Variants in KCNK6 observed in about 807,000 individuals in gnomAD.
The protein encoded by KCNK6 is potassium channel subfamily K member 6.
KCNK6 carries 20 observed loss-of-function variants against 21.9 expected under a neutral mutation model. The ratio of observed to expected loss-of-function variants is 0.91; its 90% CI spans 0.64 to 1.32. The LOEUF (loss-of-function observed/expected upper bound fraction) is 1.32, where lower values mean the gene tolerates loss of function less well. KCNK6 is among the 40% of genes most tolerant of loss of function. The pLI is 0.00. For missense variants in KCNK6, 415 were observed against 433.1 expected, an observed-to-expected ratio of 0.96 and a Z score of 0.37; for synonymous variants, 210 against 218.0, an observed-to-expected ratio of 0.96 and a Z score of 0.32.
intron 1 of KCNK6, among the ~76,000 whole-genome samples, chr19:38,320,884 G>T (rs1969644489): frequency 6.6e-6 from 1 of 152,046 alleles, no homozygotes; most frequent in Non-Finnish European, 1.5e-5. Flanking sequence ...TAATCCTCTT[G>T]GTGACCCGGG....
Position 38,319,851 on chromosome 19 carries a change from C to T in KCNK6, c.-100C>T, listed in dbSNP as rs770503017. ...TCCTCTTGGGGCATCTGCTGCCGCGCCTGTAGCACTCCCGGAACTGGAACT... is the reference window on the plus strand; with the variant it reads ...TCCTCTTGGGGCATCTGCTGCCGCGTCTGTAGCACTCCCGGAACTGGAACT... On this transcript the variant is annotated 5_prime_UTR_variant, in exon 1 of 3. Transcript: ENST00000263372. 5.9e-6 allele frequency: 7 copies of T among 1,177,246 alleles called. No individual in the cohort carries two copies. Among genetic ancestry groups the T allele is most frequent in the Non-Finnish European group, 6.6e-6 (6 of 905,632 alleles). 72.9% of individuals were successfully genotyped at this position (1,177,246 alleles called of 1,614,324 possible). A position where few individuals can be genotyped will look rare whatever the true frequency, so the allele number is the denominator to read the frequency against.
chr19:38,326,964 G>C lies in KCNK6; in HGVS notation c.694G>C (p.Ala232Pro), dbSNP rs778792589. The C allele has an allele frequency of 6.2e-7, 1 of 1,604,346 alleles. No individual in the cohort carries two copies. Among genetic ancestry groups the C allele is most frequent in the Non-Finnish European group, 8.5e-7 (1 of 1,179,534 alleles). The part of the protein sequence containing the change: ...PGEAPGQPYR[A>P]LYKVLVTVYL... ...GGAGGCCCCTGGCCAGCCCTACCGGGCCCTCTACAAGGTGCTGGTCACAGG... is the reference window on the plus strand; with the variant it reads ...GGAGGCCCCTGGCCAGCCCTACCGGCCCCTCTACAAGGTGCTGGTCACAGG... Residue 232 changes from alanine to proline, a missense_variant, in exon 2 of 3, where the codon GCC becomes CCC. Coordinates refer to ENST00000263372, the MANE Select transcript of KCNK6 (RefSeq NM_004823.3).
rs2145045798 is a variant in KCNK6 at position 38,329,232 on chromosome 19, A to AG, written c.*1829_*1830insG. On this transcript the variant is annotated 3_prime_UTR_variant, in exon 3 of 3. Coordinates refer to ENST00000263372, the MANE Select transcript of KCNK6 (RefSeq NM_004823.3). The stretch of plus-strand genomic sequence containing the variant: ...GGGTGACAGCAAGACTCCGTCTCAA[A>AG]AAAAAAAAAGAAAGAAAGAAAAGAA... 1 of 142,228 alleles carries AG rather than the reference A, an allele frequency of 7.0e-6. No individual in the cohort carries two copies. The highest frequency in any genetic ancestry group is 2.4e-4 in the East Asian group (1 of 4,104). 8.8% of individuals were successfully genotyped at this position (142,228 alleles called of 1,614,324 possible). A position where few individuals can be genotyped will look rare whatever the true frequency, so the allele number is the denominator to read the frequency against.
rs1183912785 is a variant in KCNK6, at chr19:38,330,803, G to C, written c.*3400G>C. On this transcript the variant is annotated 3_prime_UTR_variant, in exon 3 of 3. Coordinates refer to ENST00000263372, the MANE Select transcript of KCNK6 (RefSeq NM_004823.3). ...AGGTCACACAGAAAGTGGAACACTG[G>C]GATTTGAACAAGGTTTTGGTTGGGC... 6.6e-6 allele frequency: 1 copy of C among 152,170 alleles called. No homozygotes were observed. Among genetic ancestry groups the C allele is most frequent in the Non-Finnish European group, 1.5e-5 (1 of 68,058 alleles). The allele number at this position is 152,170 out of a possible 1,614,324, so 9.4% of individuals were successfully genotyped here. A position where few individuals can be genotyped will look rare whatever the true frequency, so the allele number is the denominator to read the frequency against.
rs1053220125 is a variant in KCNK6, at chr19:38,330,533, G to A, written c.*3130G>A. On this transcript the variant is annotated 3_prime_UTR_variant, in exon 3 of 3. Coordinates refer to ENST00000263372, the MANE Select transcript of KCNK6 (RefSeq NM_004823.3). ...GGTCCCAGCTACTCAGGAGGCTGAAGTGGGAGGATCACTTGAGCCTGGGAG... is the reference window on the plus strand; with the variant it reads ...GGTCCCAGCTACTCAGGAGGCTGAAATGGGAGGATCACTTGAGCCTGGGAG... 1 of 151,636 alleles carries A rather than the reference G, an allele frequency of 6.6e-6. No homozygotes were observed. Among genetic ancestry groups the A allele is most frequent in the Admixed American group, 6.6e-5 (1 of 15,132 alleles). The allele number at this position is 151,636 out of a possible 1,614,324, so 9.4% of individuals were successfully genotyped here.
Position 38,331,718 on chromosome 19 carries a change from A to T in KCNK6, c.*4315A>T, listed in dbSNP as rs1315301026. The T allele has an allele frequency of 1.3e-5, 2 of 152,216 alleles. No individual in the cohort carries two copies. The highest frequency in any genetic ancestry group is 2.9e-5 in the Non-Finnish European group (2 of 68,044). The allele number at this position is 152,216 out of a possible 1,614,324, so 9.4% of individuals were successfully genotyped here. A position where few individuals can be genotyped will look rare whatever the true frequency, so the allele number is the denominator to read the frequency against. On this transcript the variant is annotated 3_prime_UTR_variant, in exon 3 of 3. Coordinates refer to ENST00000263372, the MANE Select transcript of KCNK6 (RefSeq NM_004823.3). Reference sequence around the variant, plus strand: ...AAGTAAGTCTTTCTCCTACACTCAGATCATGGATGGATGTCTCAGGTCTTC... The same window carrying T: ...AAGTAAGTCTTTCTCCTACACTCAGTTCATGGATGGATGTCTCAGGTCTTC...
rs1969625408 is a variant in KCNK6, at chr19:38,319,874, A to G, written c.-77A>G. 1 of 1,298,242 alleles carries G rather than the reference A, an allele frequency of 7.7e-7. No individual in the cohort carries two copies. Among genetic ancestry groups the G allele is most frequent in the Non-Finnish European group, 9.9e-7 (1 of 1,014,452 alleles). 80.4% of individuals were successfully genotyped at this position (1,298,242 alleles called of 1,614,324 possible). ...CGCCTGTAGCACTCCCGGAACTGGA[A>G]CTAGGTGCCAGACGGTCCGGAGGCG... On this transcript the variant is annotated 5_prime_UTR_variant, in exon 1 of 3. Transcript: ENST00000263372.
intron 1 of KCNK6, 118 bp from the exon 2 acceptor site, chr19:38,326,475 C>A: frequency 8.3e-7 from 1 of 1,202,202 alleles, no homozygotes; most frequent in South Asian, 1.5e-5. Flanking sequence ...CACTTAGGTC[C>A]AGGAGTTCAA....
intron 1 of KCNK6, among the ~76,000 whole-genome samples, chr19:38,321,331 C>CA (rs1969649845): frequency 6.6e-6 from 1 of 152,206 alleles, no homozygotes; most frequent in African/African-American, 2.4e-5. Flanking sequence ...ACCCCAGACA[C>CA]AAAACCCTTC....
At chr19:38,321,200 A>G (rs1476271350) in intron 1 of KCNK6, among the ~76,000 whole-genome samples, 1 of 151,830 alleles carries the variant, frequency 6.6e-6, no homozygotes, top group Non-Finnish European at 1.5e-5. Context: ...CTCCCTCCCA[A>G]CAGAGATTCC....
At chr19:38,327,062 C>G (rs1969718728) in intron 2 of KCNK6, 74 bp downstream of exon 2, 2 of 1,561,594 alleles carry the variant, frequency 1.3e-6, no homozygotes, top group East Asian at 4.5e-5. Flanking sequence ...GGCTCACAGT[C>G]CCACTCTGGG....
intron 2 of KCNK6, 75 bp from the exon 3 acceptor site, chr19:38,327,105 G>T: frequency 6.3e-7 from 1 of 1,579,842 alleles, no homozygotes. Flanking sequence ...CACCCTGCAG[G>T]GTCCAGTAGA....
chr19:38,320,546 C>CT (rs35248793), intron 1 of KCNK6, among the ~76,000 whole-genome samples: 18,799 of 145,656 alleles, frequency 0.13, 1,288 homozygotes, highest in Non-Finnish European at 0.16. Flanking sequence ...GTTCCTCGGT[C>CT]TTTTTTTTTT....
intron 1 of KCNK6, among the ~76,000 whole-genome samples, chr19:38,321,875 T>C (rs1491001430): frequency 6.6e-6 from 1 of 152,230 alleles, no homozygotes; most frequent in Non-Finnish European, 1.5e-5. Flanking sequence ...GCAGGGCAGA[T>C]GAGGGAAGCC....
Position 38,330,068 on chromosome 19 carries a change from C to G in KCNK6, c.*2665C>G, listed in dbSNP as rs895955246. ...CATAGGGGGCAGGCCAGGTGGCTCA[C>G]GCCTGTAATCCCAGCACTTTGTGAG... On this transcript the variant is annotated 3_prime_UTR_variant, in exon 3 of 3. Coordinates refer to ENST00000263372, the MANE Select transcript of KCNK6 (RefSeq NM_004823.3). The G allele has an allele frequency of 6.6e-6, 1 of 152,422 alleles. No individual in the cohort carries two copies. Among genetic ancestry groups the G allele is most frequent in the Non-Finnish European group, 1.5e-5 (1 of 68,244 alleles). The allele number at this position is 152,422 out of a possible 1,614,324, so 9.4% of individuals were successfully genotyped here. A position where few individuals can be genotyped will look rare whatever the true frequency, so the allele number is the denominator to read the frequency against.
chr19:38,327,385 C>T lies in KCNK6; in HGVS notation c.924C>T (p.Tyr308=), dbSNP rs199734308. 3.7e-5 allele frequency: 59 copies of T among 1,609,420 alleles called. No individual in the cohort carries two copies. The East Asian group carries it at 6.2e-4, about 17-fold the overall frequency. ...QQLSASSHTD[Y]ASIPR is the part of the protein sequence containing the mutation. ...TCTCTGCCAGCTCCCACACCGACTA[C>T]GCTTCCATCCCCAGGTAGCTGGGGC... Residue 308 remains tyrosine, a synonymous_variant, in exon 3 of 3, where the codon TAC becomes TAT. Transcript: ENST00000263372.
rs1969751536 is a variant in KCNK6, at chr19:38,329,623, G to A, written c.*2220G>A. ...CGAGCACCCGTTAGTGTCCTTAAAT[G>A]ACCAGCATGGGAACCTGGTCTCTTT... On this transcript the variant is annotated 3_prime_UTR_variant, in exon 3 of 3. Transcript: ENST00000263372. The A allele has an allele frequency of 6.6e-6, 1 of 152,220 alleles. No homozygotes were observed. The allele number at this position is 152,220 out of a possible 1,614,324, so 9.4% of individuals were successfully genotyped here. A position where few individuals can be genotyped will look rare whatever the true frequency, so the allele number is the denominator to read the frequency against.
intron 2 of KCNK6, 53 bp downstream of exon 2, chr19:38,327,041 G>T (rs1456364836): frequency 3.2e-6 from 5 of 1,565,536 alleles, no homozygotes; most frequent in Non-Finnish European, 4.3e-6. Flanking sequence ...CCTGTCCCTG[G>T]GGGAGTTAAA....
chr19:38,321,698 T>C (rs1969653680), intron 1 of KCNK6, among the ~76,000 whole-genome samples: 1 of 152,234 alleles, frequency 6.6e-6, no homozygotes, highest in Non-Finnish European at 1.5e-5. Context: ...AGGGGGCAGC[T>C]TTTGCTTTTG....
Sources: allele counts gnomAD v4.1 joint callset (sites outside exome capture counted in the v4.1 genomes callset), GRCh38; gene constraint gnomAD v4.1.1; transcripts MANE v1.5; gene names NCBI Gene and HGNC (gene_info 2026-07-23, HGNC 2026-07-21).